Variants in TMEM132D observed in about 807,000 individuals in gnomAD.
TMEM132D encodes mature OL transmembrane protein.
Under a neutral mutation model 62.3 loss-of-function variants are expected in TMEM132D, and 21 were observed. The observed-to-expected ratio is 0.34, with a 90% CI of 0.24 to 0.49. The LOEUF (loss-of-function observed/expected upper bound fraction) is 0.49, where lower values mean the gene tolerates loss of function less well. Among genes scored for constraint, TMEM132D ranks in the 20% least tolerant of loss-of-function variants. The pLI, the probability that TMEM132D is intolerant of heterozygous loss-of-function variation, is 0.99. For missense variants in TMEM132D, 1,346 were observed against 1,402.8 expected, an observed-to-expected ratio of 0.96 and a Z score of 0.65; for synonymous variants, 621 against 575.6, an observed-to-expected ratio of 1.08 and a Z score of -1.13.
intron 2 of TMEM132D, among the ~76,000 whole-genome samples, chr12:129,595,450 C>T (rs1484136605): frequency 2.6e-5 from 4 of 152,148 alleles, no homozygotes; most frequent in Admixed American, 6.5e-5. Context: ...TAGCTTGAAA[C>T]GGTGGACCTG....
Position 129,460,650 on chromosome 12 carries a change from C to T in TMEM132D, c.1115+70409G>A, listed in dbSNP as rs920633855. On this transcript the variant is annotated intron_variant, in intron 3 of 8. Transcript: ENST00000422113. ...CAGTTAGCGCTCAAAAAAATGTTAG[C>T]TCCTATTAAAAAGTTTGCATTCGGG... Among the ~76,000 whole-genome samples, 21 of 152,144 alleles carry T rather than the reference C, an allele frequency of 1.4e-4. 1 individual carries two copies. The highest frequency in any genetic ancestry group is 5.1e-4 in the African/African-American group (21 of 41,426).
chr12:129,113,794 G>A (rs1593265950), intron 5 of TMEM132D, among the ~76,000 whole-genome samples: 4 of 152,096 alleles, frequency 2.6e-5, no homozygotes, highest in Non-Finnish European at 4.4e-5. Flanking sequence ...CTCTGTAGAA[G>A]GAGAGCAATA....
intron 4 of TMEM132D, among the ~76,000 whole-genome samples, chr12:129,242,921 G>T (rs1879975660): frequency 1.1e-5 from 1 of 90,324 alleles, no homozygotes; most frequent in African/African-American, 3.9e-5. Context: ...GTTCAGTCCA[G>T]TAAGAGAGGC....
chr12:129,678,749 C>T (rs767957450), intron 2 of TMEM132D, among the ~76,000 whole-genome samples: 2 of 152,066 alleles, frequency 1.3e-5, no homozygotes, highest in African/African-American at 2.4e-5. Flanking sequence ...TTCTTCTACA[C>T]TGATTTACTT....
intron 2 of TMEM132D, among the ~76,000 whole-genome samples, chr12:129,580,110 A>G (rs1182126306): frequency 6.6e-6 from 1 of 152,210 alleles, no homozygotes; most frequent in Non-Finnish European, 1.5e-5. Context: ...CACTTGAGGA[A>G]CGAAAGGAAG....
chr12:129,183,529 C>A (rs766444425), intron 5 of TMEM132D, among the ~76,000 whole-genome samples: 1 of 152,218 alleles, frequency 6.6e-6, no homozygotes, highest in African/African-American at 2.4e-5. Flanking sequence ...CTAGAAGGAG[C>A]CTTGCTAGTG....
chr12:129,586,526 G>A (rs1199924947), intron 2 of TMEM132D, among the ~76,000 whole-genome samples: 6 of 152,088 alleles, frequency 3.9e-5, no homozygotes, highest in Admixed American at 2.6e-4. Flanking sequence ...CAGCGTGGTC[G>A]GGTTCTAGGA....
intron 5 of TMEM132D, among the ~76,000 whole-genome samples, chr12:129,104,156 A>G (rs991718227): frequency 4.0e-5 from 6 of 150,776 alleles, no homozygotes; most frequent in Non-Finnish European, 7.4e-5. Flanking sequence ...ACAAGGCTAC[A>G]GTAACCAAAA....
chr12:129,271,412 C>T (rs965443963), intron 4 of TMEM132D, among the ~76,000 whole-genome samples: 4 of 151,540 alleles, frequency 2.6e-5, no homozygotes, highest in Admixed American at 6.6e-5. Flanking sequence ...TTAAATTTTA[C>T]TTTGAGTTCT....
At chr12:129,426,066 G>A (rs138841133) in intron 3 of TMEM132D, among the ~76,000 whole-genome samples, 88 of 152,300 alleles carry the variant, frequency 5.8e-4, no homozygotes, top group African/African-American at 2.0e-3. Flanking sequence ...ACTGAAGATC[G>A]CTATTTGTAT....
intron 5 of TMEM132D, among the ~76,000 whole-genome samples, chr12:129,114,826 T>C (rs531466007): frequency 1.1e-4 from 16 of 152,350 alleles, no homozygotes; most frequent in African/African-American, 3.4e-4. Context: ...GTTTGTGAGA[T>C]TGGTCGCATT....
chr12:129,759,016 C>A (rs1458687280), intron 1 of TMEM132D, among the ~76,000 whole-genome samples: 1 of 151,872 alleles, frequency 6.6e-6, no homozygotes, highest in Non-Finnish European at 1.5e-5. Context: ...TCACTGCAAC[C>A]TCTGCCTCCC....
chr12:129,427,962 T>G (rs1231557293), intron 3 of TMEM132D, among the ~76,000 whole-genome samples: 1 of 152,160 alleles, frequency 6.6e-6, no homozygotes, highest in Admixed American at 6.6e-5. Flanking sequence ...TTTTCAATCC[T>G]CTCTCGGATA....
chr12:129,638,951 A>C (rs1879570837), intron 2 of TMEM132D, among the ~76,000 whole-genome samples: 1 of 152,194 alleles, frequency 6.6e-6, no homozygotes, highest in African/African-American at 2.4e-5. Context: ...CAAATGAAAA[A>C]AACAAACCTG....
intron 4 of TMEM132D, among the ~76,000 whole-genome samples, chr12:129,224,470 C>A (rs1428717938): frequency 6.6e-6 from 1 of 152,212 alleles, no homozygotes; most frequent in Non-Finnish European, 1.5e-5. Context: ...TTCTTCATGT[C>A]ACCAGCAAGT....
intron 5 of TMEM132D, among the ~76,000 whole-genome samples, chr12:129,197,532 C>A (rs1209133827): frequency 5.9e-5 from 9 of 152,158 alleles, no homozygotes; most frequent in Admixed American, 5.9e-4. Flanking sequence ...GTTCCAGGAA[C>A]ACAAAATGGG....
rs539890554 is a variant in TMEM132D, at chr12:129,850,159, A to ATC, written c.79+53100_79+53101dup. Among the ~76,000 whole-genome samples, 5 of 152,032 alleles carry ATC rather than the reference A, an allele frequency of 3.3e-5. No homozygotes were observed. In the South Asian group the frequency reaches 8.3e-4, roughly 25 times the overall value. ...GGCCCAAGTCTGAAAGAAGTGGTGGATCTCTCTCTCTCCTCTCTGTCTCCT... is the reference window on the plus strand; with the variant it reads ...GGCCCAAGTCTGAAAGAAGTGGTGGATCTCTCTCTCTCTCCTCTCTGTCTCCT... On this transcript the variant is annotated intron_variant, in intron 1 of 8. Coordinates refer to ENST00000422113, the MANE Select transcript of TMEM132D (RefSeq NM_133448.3).
At chr12:129,224,052 A>G (rs1430837946) in intron 4 of TMEM132D, among the ~76,000 whole-genome samples, 2 of 152,172 alleles carry the variant, frequency 1.3e-5, no homozygotes, top group African/African-American at 2.4e-5. Context: ...ACAGCCCAAA[A>G]TGTCTCCAGT....
intron 1 of TMEM132D, among the ~76,000 whole-genome samples, chr12:129,777,900 G>A (rs528720770): frequency 4.4e-4 from 67 of 152,204 alleles, no homozygotes; most frequent in Non-Finnish European, 9.0e-4. Context: ...TCGGGAAGCC[G>A]AGGTGGGAGG....
Sources: allele counts gnomAD v4.1 joint callset (sites outside exome capture counted in the v4.1 genomes callset), GRCh38; gene constraint gnomAD v4.1.1; transcripts MANE v1.5; gene names NCBI Gene and HGNC (gene_info 2026-07-23, HGNC 2026-07-21).